ITGA4: variants seen among roughly 807,000 people sequenced by gnomAD.
ITGA4 encodes the protein integrin alpha-4.
ITGA4 carries 63 observed loss-of-function variants against 133.6 expected under a neutral mutation model. The ratio of observed to expected loss-of-function variants is 0.47; its 90% CI spans 0.38 to 0.58. The LOEUF (loss-of-function observed/expected upper bound fraction) is 0.58. Ranked by LOEUF, ITGA4 falls within the 20% of genes least tolerant of loss-of-function variation. The pLI is 0.00. For missense variants in ITGA4, 1,076 were observed against 1,252.7 expected (o/e 0.86, Z 2.13); for synonymous variants, 483 against 438.0 (o/e 1.10, Z -1.28).
chr2:181,513,719 A>G (rs746177963), intron 17 of ITGA4, among the ~76,000 whole-genome samples: 2 of 152,110 alleles, frequency 1.3e-5, no homozygotes, highest in Non-Finnish European at 2.9e-5. Context: ...CTGAATACTT[A>G]TGGTGGTTTG....
chr2:181,460,655 CTAA>C (rs1245056625), intron 2 of ITGA4, among the ~76,000 whole-genome samples: 2 of 150,968 alleles, frequency 1.3e-5, no homozygotes, highest in African/African-American at 2.4e-5. Flanking sequence ...GTGGGTGACT[CTAA>C]TGTTTCAAAA....
intron 19 of ITGA4, among the ~76,000 whole-genome samples, 163 bp from the exon 20 acceptor site, chr2:181,524,008 A>C (rs1466745068): frequency 1.3e-5 from 2 of 152,194 alleles, no homozygotes; most frequent in Admixed American, 1.3e-4. Flanking sequence ...CCACAAACCC[A>C]ACAACTTCCC....
chr2:181,509,807 A>C lies in ITGA4; in HGVS notation c.1845A>C (p.Thr615=), dbSNP rs1143674. 3 of 1,597,308 alleles carry C rather than the reference A, an allele frequency of 1.9e-6. No homozygotes were observed. The highest frequency in any genetic ancestry group is 2.7e-5 in the African/African-American group (2 of 74,028). ...QKKEKDIMKK[T]INFARFCAHE... is the part of the protein sequence containing the mutation. ...AAGAAAAAGACATAATGAAAAAAACAGTAGGAATATTTTCCTTTATTCAAA... is the reference window on the plus strand; with the variant it reads ...AAGAAAAAGACATAATGAAAAAAACCGTAGGAATATTTTCCTTTATTCAAA... Residue 615 remains threonine (T), a splice_region_variant and synonymous_variant, in exon 16 of 28, where the codon ACA becomes ACC. Coordinates refer to ENST00000397033, the MANE Select transcript of ITGA4 (RefSeq NM_000885.6).
intron 15 of ITGA4, among the ~76,000 whole-genome samples, chr2:181,508,283 T>C (rs1045928249): frequency 3.3e-5 from 5 of 152,094 alleles, no homozygotes; most frequent in Admixed American, 1.3e-4. Flanking sequence ...ACATAAGATA[T>C]TAAGTTTAAA....
intron 4 of ITGA4, chr2:181,475,959 G>A: frequency 1.5e-6 from 2 of 1,311,170 alleles, no homozygotes; most frequent in East Asian, 2.9e-5. Flanking sequence ...ACATATGAAT[G>A]CAAATTCATA....
At chr2:181,488,782 T>A (rs1322976908) in intron 10 of ITGA4, among the ~76,000 whole-genome samples, 1 of 152,062 alleles carries the variant, frequency 6.6e-6, no homozygotes, top group Non-Finnish European at 1.5e-5. Context: ...ATGGTCTCTA[T>A]CTCCTGACCT....
At position 181,536,771 on chromosome 2, in the gene ITGA4, C is replaced by A. The variant is rs200588032; in HGVS notation, c.*1244C>A. 8.2e-6 allele frequency: 2 copies of A among 243,496 alleles called. No individual in the cohort carries two copies. The highest frequency in any genetic ancestry group is 9.5e-5 in the South Asian group (2 of 21,104). 15.1% of individuals were successfully genotyped at this position (243,496 alleles called of 1,614,324 possible). ...TTTAAAAAATTTCTTTAAATACAAT[C>A]ATTTTTGTAATATTTATTTTATGCT... On this transcript the variant is annotated 3_prime_UTR_variant, in exon 28 of 28. Coordinates refer to ENST00000397033, the MANE Select transcript of ITGA4 (RefSeq NM_000885.6).
At chr2:181,458,779 TA>T (rs5836789) in intron 2 of ITGA4, 3,355 of 150,366 alleles carry the variant, frequency 0.022, 54 homozygotes, top group Middle Eastern at 0.041. Flanking sequence ...CCTAAAGGCC[TA>T]AAAAAAAAAG....
At chr2:181,528,566 A>G (rs1201497203) in intron 22 of ITGA4, among the ~76,000 whole-genome samples, 3 of 152,220 alleles carry the variant, frequency 2.0e-5, no homozygotes, top group Non-Finnish European at 4.4e-5. Context: ...TGTGATTTAG[A>G]TATTTAATGG....
chr2:181,531,089 T>C (rs1686935605), intron 24 of ITGA4, among the ~76,000 whole-genome samples: 1 of 151,894 alleles, frequency 6.6e-6, no homozygotes. Flanking sequence ...CACTCCAGCC[T>C]GGGTGACAGA....
At chr2:181,509,409 A>C (rs2198727) in intron 15 of ITGA4, among the ~76,000 whole-genome samples, 148,651 of 152,012 alleles carry the variant, frequency 0.98, 72,786 homozygotes, top group Middle Eastern at 1. Flanking sequence ...CAAGTACAGA[A>C]CTTTATAACT....
chr2:181,503,893 G>T (rs1011548791), intron 15 of ITGA4, among the ~76,000 whole-genome samples: 5 of 151,950 alleles, frequency 3.3e-5, no homozygotes, highest in African/African-American at 4.8e-5. Context: ...TAGGACAAGG[G>T]ATAATTTTGA....
At chr2:181,471,788 A>G (rs1194753795) in intron 2 of ITGA4, among the ~76,000 whole-genome samples, 2 of 152,084 alleles carry the variant, frequency 1.3e-5, no homozygotes, top group African/African-American at 4.8e-5. Context: ...TTCCTGGGAA[A>G]GCTCTTCCTA....
chr2:181,531,907 C>A, intron 25 of ITGA4, 131 bp downstream of exon 25: 1 of 560,860 alleles, frequency 1.8e-6, no homozygotes, highest in Non-Finnish European at 3.0e-6. Context: ...GAGTAAAACT[C>A]TAAAACTGTA....
intron 1 of ITGA4, 42 bp from the exon 2 acceptor site, chr2:181,458,154 C>T (rs201470989): frequency 1.2e-6 from 2 of 1,612,898 alleles, no homozygotes; most frequent in South Asian, 2.2e-5. Context: ...CAGTGGGCAG[C>T]ACAGCTCACG....
At position 181,538,886 on chromosome 2, in the gene ITGA4, C is replaced by T. The variant is rs1038370119; in HGVS notation, c.*3359C>T. On this transcript the variant is annotated 3_prime_UTR_variant, in exon 28 of 28. Coordinates refer to ENST00000397033, the MANE Select transcript of ITGA4 (RefSeq NM_000885.6). Reference sequence around the variant, plus strand: ...TAGACACGCATAACCAAAGAAAATGCCTTGGGTCTACATAACAGTTGAATA... The same window carrying T: ...TAGACACGCATAACCAAAGAAAATGTCTTGGGTCTACATAACAGTTGAATA... Among the ~76,000 whole-genome samples, 1 of 152,034 alleles carries T rather than the reference C, an allele frequency of 6.6e-6. No homozygotes were observed. Among genetic ancestry groups the T allele is most frequent in the Non-Finnish European group, 1.5e-5 (1 of 67,996 alleles).
intron 2 of ITGA4, among the ~76,000 whole-genome samples, chr2:181,472,233 C>T (rs1341086385): frequency 6.6e-6 from 1 of 152,182 alleles, no homozygotes; most frequent in African/African-American, 2.4e-5. Flanking sequence ...TAGAAATTTA[C>T]AAAACAGTTC....
intron 4 of ITGA4, chr2:181,475,812 T>C (rs1450435348): frequency 3.1e-6 from 5 of 1,598,790 alleles, no homozygotes; most frequent in South Asian, 1.1e-5. Flanking sequence ...GGTAACTCTA[T>C]GCTATAGGTA....
At chr2:181,520,822 A>G (rs1423472001) in intron 17 of ITGA4, among the ~76,000 whole-genome samples, 3 of 152,108 alleles carry the variant, frequency 2.0e-5, no homozygotes, top group Non-Finnish European at 2.9e-5. Context: ...GGGAACGATG[A>G]ACTTAGTGCC....
Sources: gnomAD v4.1 joint callset for allele counts (sites outside exome capture counted in the v4.1 genomes callset) on GRCh38, gnomAD v4.1.1 for gene constraint, MANE v1.5 for transcripts, NCBI Gene and HGNC (gene_info 2026-07-23, HGNC 2026-07-21) for gene names.